HPSE2: variants seen among roughly 807,000 people sequenced by gnomAD.
HPSE2 encodes the protein inactive heparanase-2.
HPSE2 carries 38 observed loss-of-function variants against 60.5 expected under a neutral mutation model. The ratio of observed to expected loss-of-function variants is 0.63; its 90% confidence interval spans 0.48 to 0.82. The LOEUF (loss-of-function observed/expected upper bound fraction) is 0.82, where lower values mean the gene tolerates loss of function less well. Among genes scored for constraint, HPSE2 ranks in the 40% least tolerant of loss-of-function variants. The probability of loss-of-function intolerance (pLI) is 0.00; values close to 1 mark genes in which losing one functional copy is unlikely to be tolerated. For missense variants in HPSE2, 713 were observed against 740.4 expected (o/e 0.96, Z 0.43); for synonymous variants, 295 against 293.2 (o/e 1.01, Z -0.06).
intron 9 of HPSE2, among the ~76,000 whole-genome samples, chr10:98,521,955 G>A (rs752929751): frequency 4.6e-5 from 7 of 152,078 alleles, no homozygotes; most frequent in South Asian, 2.1e-4. Flanking sequence ...GACACAGGGC[G>A]GGGAACATCA....
At chr10:98,848,273 C>G (rs930094360) in intron 3 of HPSE2, among the ~76,000 whole-genome samples, 1 of 152,078 alleles carries the variant, frequency 6.6e-6, no homozygotes, top group Admixed American at 6.6e-5. Context: ...CCAAAATTAT[C>G]CAGGCATGGT....
At chr10:98,750,382 C>A (rs1385231681) in intron 3 of HPSE2, among the ~76,000 whole-genome samples, 1 of 152,120 alleles carries the variant, frequency 6.6e-6, no homozygotes, top group Non-Finnish European at 1.5e-5. Flanking sequence ...CTTTTGCCCT[C>A]ATTGACATAG....
intron 4 of HPSE2, among the ~76,000 whole-genome samples, chr10:98,725,576 T>C (rs1175323447): frequency 6.6e-6 from 1 of 152,178 alleles, no homozygotes; most frequent in Non-Finnish European, 1.5e-5. Flanking sequence ...GACATAGGCA[T>C]GGTCAAGGAC....
chr10:98,826,554 G>A (rs1291762285), intron 3 of HPSE2, among the ~76,000 whole-genome samples: 1 of 152,166 alleles, frequency 6.6e-6, no homozygotes, highest in Non-Finnish European at 1.5e-5. Context: ...GAATGACAGT[G>A]TGCCAGTTTC....
chr10:98,727,529 T>C (rs1444279962), intron 4 of HPSE2, among the ~76,000 whole-genome samples: 1 of 152,018 alleles, frequency 6.6e-6, no homozygotes, highest in East Asian at 1.9e-4. Context: ...TATGCGCCCA[T>C]AGTCCCAGAT....
intron 3 of HPSE2, among the ~76,000 whole-genome samples, chr10:99,060,025 A>C (rs1410738792): frequency 1.3e-5 from 2 of 151,920 alleles, no homozygotes; most frequent in Non-Finnish European, 2.9e-5. Context: ...AAAAAGCAAT[A>C]ATATAATACA....
chr10:98,904,914 A>G (rs1953766976), intron 3 of HPSE2, among the ~76,000 whole-genome samples: 1 of 152,236 alleles, frequency 6.6e-6, no homozygotes, highest in South Asian at 2.1e-4. Flanking sequence ...GAATAGTACT[A>G]CTTGACATTT....
intron 9 of HPSE2, among the ~76,000 whole-genome samples, chr10:98,579,584 C>T (rs575501045): frequency 2.0e-5 from 3 of 152,258 alleles, no homozygotes; most frequent in Non-Finnish European, 4.4e-5. Context: ...CACCACTTCT[C>T]CCCCCTTCCA....
At chr10:98,889,556 G>C (rs1348690059) in intron 3 of HPSE2, among the ~76,000 whole-genome samples, 2 of 151,968 alleles carry the variant, frequency 1.3e-5, no homozygotes, top group African/African-American at 4.8e-5. Flanking sequence ...TTTGTGGTTG[G>C]TATCTATTGG....
At chr10:99,058,949 C>T (rs780431405) in intron 3 of HPSE2, among the ~76,000 whole-genome samples, 19 of 152,158 alleles carry the variant, frequency 1.2e-4, no homozygotes, top group Non-Finnish European at 2.1e-4. Flanking sequence ...TCTGTTACAA[C>T]TATTCAACTT....
chr10:98,960,049 C>A (rs1189993010), intron 3 of HPSE2, among the ~76,000 whole-genome samples: 1 of 152,104 alleles, frequency 6.6e-6, no homozygotes. Context: ...GAGATTATAT[C>A]CATCAAACCT....
intron 3 of HPSE2, among the ~76,000 whole-genome samples, chr10:99,119,585 A>G (rs2135707186): frequency 1.3e-5 from 2 of 152,312 alleles, no homozygotes; most frequent in Non-Finnish European, 2.9e-5. Context: ...AACTAGAAAA[A>G]GCTATTTTAA....
At chr10:99,093,112 C>A (rs1445655152) in intron 3 of HPSE2, among the ~76,000 whole-genome samples, 1 of 151,986 alleles carries the variant, frequency 6.6e-6, no homozygotes, top group Non-Finnish European at 1.5e-5. Flanking sequence ...CCTGTAGTCC[C>A]ACCTACTTGG....
At chr10:99,190,992 C>T (rs1848200708) in intron 2 of HPSE2, among the ~76,000 whole-genome samples, 1 of 152,172 alleles carries the variant, frequency 6.6e-6, no homozygotes, top group South Asian at 2.1e-4. Flanking sequence ...CCAGGCAGTA[C>T]TCACAGCAGG....
At chr10:98,819,865 G>A (rs1355921208) in intron 3 of HPSE2, among the ~76,000 whole-genome samples, 3 of 152,010 alleles carry the variant, frequency 2.0e-5, no homozygotes, top group East Asian at 1.9e-4. Flanking sequence ...AGCCCCTGTA[G>A]TACTCCTAAC....
intron 3 of HPSE2, among the ~76,000 whole-genome samples, chr10:98,866,171 ATAT>A (rs1490094733): frequency 2.6e-5 from 4 of 152,132 alleles, no homozygotes; most frequent in Non-Finnish European, 4.4e-5. Context: ...GACAAGAAAA[ATAT>A]TTTAAAATAT....
chr10:98,602,871 GAGT>G (rs1435853129), intron 9 of HPSE2, among the ~76,000 whole-genome samples: 1 of 152,124 alleles, frequency 6.6e-6, no homozygotes, highest in African/African-American at 2.4e-5. Context: ...GAAAAAATAG[GAGT>G]AGATCTTTGT....
At chr10:98,740,008 A>G (rs1373514578) in intron 4 of HPSE2, among the ~76,000 whole-genome samples, 1 of 152,180 alleles carries the variant, frequency 6.6e-6, no homozygotes, top group East Asian at 1.9e-4. Flanking sequence ...TAGATTCACC[A>G]ATGGTTAATA....
chr10:98,592,550 G>A (rs949575329), intron 9 of HPSE2, among the ~76,000 whole-genome samples: 24 of 152,074 alleles, frequency 1.6e-4, no homozygotes, highest in African/African-American at 5.8e-4. Flanking sequence ...ATTATTATGT[G>A]CAGTTAAAGA....
Sources: gnomAD v4.1 joint callset for allele counts (sites outside exome capture counted in the v4.1 genomes callset) on GRCh38, gnomAD v4.1.1 for gene constraint, MANE v1.5 for transcripts, NCBI Gene and HGNC (gene_info 2026-07-23, HGNC 2026-07-21) for gene names.